The following SPPL3 variants were observed in gnomAD, a reference collection of about 807,000 sequenced individuals.
SPPL3 encodes the protein signal peptide peptidase like 3, also known as signal peptide peptidase-like 3.
SPPL3 carries 5 observed loss-of-function variants against 42.4 expected under a neutral mutation model. The observed-to-expected ratio is 0.12, with a 90% CI of 0.06 to 0.25. The LOEUF (loss-of-function observed/expected upper bound fraction) is 0.25. Among genes scored for constraint, SPPL3 ranks in the 10% least tolerant of loss-of-function variants. The probability of loss-of-function intolerance (pLI) is 1.00; values close to 1 mark genes in which losing one functional copy is unlikely to be tolerated. For synonymous variants in SPPL3, 195 were observed against 181.8 expected, an observed-to-expected ratio of 1.07 and a Z score of -0.58; for missense variants, 235 against 489.0, an observed-to-expected ratio of 0.48 and a Z score of 4.90.
chr12:120,872,781 T>C (rs1009319141), intron 1 of SPPL3, among the ~76,000 whole-genome samples: 12 of 152,062 alleles, frequency 7.9e-5, no homozygotes, highest in African/African-American at 2.9e-4. Flanking sequence ...AACACCTTAG[T>C]AGGGGGGCCA....
chr12:120,866,004 G>C (rs1173999039), intron 1 of SPPL3, among the ~76,000 whole-genome samples: 2 of 152,160 alleles, frequency 1.3e-5, no homozygotes, highest in Non-Finnish European at 2.9e-5. Context: ...CTCCTTATGA[G>C]AATCTAATGC....
chr12:120,816,514 G>T (rs1326581410), intron 1 of SPPL3, among the ~76,000 whole-genome samples: 1 of 152,076 alleles, frequency 6.6e-6, no homozygotes, highest in East Asian at 1.9e-4. Flanking sequence ...AAAAGTTTTT[G>T]TTGTTGTTTC....
chr12:120,855,370 A>G (rs1872416605), intron 1 of SPPL3, among the ~76,000 whole-genome samples: 1 of 152,174 alleles, frequency 6.6e-6, no homozygotes, highest in Non-Finnish European at 1.5e-5. Flanking sequence ...CTCAAAGCTT[A>G]ATTTTCAAAT....
At chr12:120,795,028 A>G (rs886808307) in intron 2 of SPPL3, among the ~76,000 whole-genome samples, 7 of 151,992 alleles carry the variant, frequency 4.6e-5, no homozygotes, top group African/African-American at 1.7e-4. Context: ...CCCTCCCTCA[A>G]CCTTTGTGCT....
At chr12:120,800,206 T>C (rs1192708717) in intron 2 of SPPL3, among the ~76,000 whole-genome samples, 2 of 152,174 alleles carry the variant, frequency 1.3e-5, no homozygotes, top group Non-Finnish European at 2.9e-5. Flanking sequence ...GTCTAGGTAC[T>C]GAAATCAATG....
At chr12:120,831,784 T>C (rs1871433342) in intron 1 of SPPL3, among the ~76,000 whole-genome samples, 1 of 152,194 alleles carries the variant, frequency 6.6e-6, no homozygotes, top group African/African-American at 2.4e-5. Flanking sequence ...CATTTTAATC[T>C]GGGAGTTGAG....
At chr12:120,779,646 A>G (rs1592957955) in intron 6 of SPPL3, among the ~76,000 whole-genome samples, 1 of 152,068 alleles carries the variant, frequency 6.6e-6, no homozygotes. Context: ...TTGAGATTAC[A>G]AAAGTGAACT....
intron 1 of SPPL3, among the ~76,000 whole-genome samples, chr12:120,877,758 G>A (rs184370926): frequency 7.0e-6 from 1 of 143,806 alleles, no homozygotes; most frequent in East Asian, 2.0e-4. Flanking sequence ...TCCAGCCTGG[G>A]CAACAAGAGT....
chr12:120,867,709 G>C (rs1872797726), intron 1 of SPPL3, among the ~76,000 whole-genome samples: 1 of 150,744 alleles, frequency 6.6e-6, no homozygotes, highest in South Asian at 2.1e-4. Context: ...GTTTATCTTA[G>C]AGTTGAACAA....
chr12:120,827,361 AAT>A (rs1166531073), intron 1 of SPPL3, among the ~76,000 whole-genome samples: 32 of 148,076 alleles, frequency 2.2e-4, no homozygotes, highest in African/African-American at 5.9e-4. Flanking sequence ...ATAATATAAT[AAT>A]ATAATAATAA....
intron 1 of SPPL3, among the ~76,000 whole-genome samples, chr12:120,903,120 C>G (rs1327794529): frequency 6.6e-6 from 1 of 152,186 alleles, no homozygotes; most frequent in Non-Finnish European, 1.5e-5. Flanking sequence ...GGCGCCATTC[C>G]TCTGAAAATA....
At chr12:120,777,091 T>C (rs1852761684) in intron 6 of SPPL3, among the ~76,000 whole-genome samples, 2 of 152,170 alleles carry the variant, frequency 1.3e-5, no homozygotes, top group African/African-American at 2.4e-5. Context: ...ACAGTCTCTC[T>C]TAGGAATATG....
rs1870214288 is a variant in SPPL3 at position 120,799,422 on chromosome 12, G to C, written c.102-7865C>G. Among the ~76,000 whole-genome samples, 2 of 152,166 alleles carry C rather than the reference G, an allele frequency of 1.3e-5. 1 individual carries two copies. The highest frequency in any genetic ancestry group is 4.1e-4 in the South Asian group (2 of 4,836). ...AAATCTTAAGTTGAACCATCATTAA[G>C]TCAAACCGTTGGTAAGCTAGGGATC... On this transcript the variant is annotated intron_variant, in intron 2 of 10. Coordinates refer to ENST00000353487, the MANE Select transcript of SPPL3 (RefSeq NM_139015.5).
intron 6 of SPPL3, among the ~76,000 whole-genome samples, chr12:120,771,112 C>A (rs1869104757): frequency 6.6e-6 from 1 of 152,226 alleles, no homozygotes; most frequent in Non-Finnish European, 1.5e-5. Flanking sequence ...TAACCCCTAA[C>A]AAGTCTCTTC....
At chr12:120,894,829 A>G (rs748675248) in intron 1 of SPPL3, among the ~76,000 whole-genome samples, 16 of 152,006 alleles carry the variant, frequency 1.1e-4, no homozygotes, top group Non-Finnish European at 2.2e-4. Context: ...TGCCTGTAAT[A>G]CCAGCTACTA....
At chr12:120,826,938 C>T (rs190441946) in intron 1 of SPPL3, among the ~76,000 whole-genome samples, 2 of 152,008 alleles carry the variant, frequency 1.3e-5, no homozygotes, top group East Asian at 3.9e-4. Context: ...AAATGAGTGT[C>T]AAAATTTAAA....
At chr12:120,778,111 A>ATTTTTTTTTTTT (rs57779322) in intron 6 of SPPL3, among the ~76,000 whole-genome samples, 40 of 90,940 alleles carry the variant, frequency 4.4e-4, no homozygotes, top group Non-Finnish European at 5.6e-4. Context: ...CTGAAAAGCA[A>ATTTTTTTTTTTT]TTTTTTTTTT....
At chr12:120,834,830 C>A (rs1390036097) in intron 1 of SPPL3, among the ~76,000 whole-genome samples, 1 of 152,102 alleles carries the variant, frequency 6.6e-6, no homozygotes, top group East Asian at 1.9e-4. Flanking sequence ...TGTGCCAAAA[C>A]TATACAATAA....
intron 1 of SPPL3, among the ~76,000 whole-genome samples, chr12:120,890,311 A>G (rs1168947): frequency 0.96 from 145,418 of 151,760 alleles, 69,973 homozygotes; most frequent in Non-Finnish European, 1. Context: ...AATCCAGGGC[A>G]GGGCACGGTG....
Sources: allele counts gnomAD v4.1 joint callset (sites outside exome capture counted in the v4.1 genomes callset), GRCh38; gene constraint gnomAD v4.1.1; transcripts MANE v1.5; gene names NCBI Gene and HGNC (gene_info 2026-07-23, HGNC 2026-07-21).